The following STAU2 variants were observed in gnomAD, a reference collection of about 807,000 sequenced individuals.
STAU2 encodes double-stranded RNA-binding protein Staufen homolog 2.
STAU2 carries 20 observed loss-of-function variants against 65.9 expected under a neutral mutation model. The observed-to-expected ratio is 0.30, with a 90% confidence interval of 0.21 to 0.44. The LOEUF (loss-of-function observed/expected upper bound fraction) is 0.44, where lower values mean the gene tolerates loss of function less well. Among genes scored for constraint, STAU2 ranks in the 20% least tolerant of loss-of-function variants. The pLI is 1.00. For synonymous variants in STAU2, 232 were observed against 233.9 expected, an observed-to-expected ratio of 0.99 and a Z score of 0.07; for missense variants, 558 against 683.9, an observed-to-expected ratio of 0.82 and a Z score of 2.05.
chr8:73,744,455 T>C (rs989682792), intron 1 of STAU2, among the ~76,000 whole-genome samples: 12 of 82,214 alleles, frequency 1.5e-4, no homozygotes, highest in Non-Finnish European at 1.9e-4. Context: ...AACAAGATAA[T>C]AATAGGAATA....
intron 3 of STAU2, among the ~76,000 whole-genome samples, chr8:73,712,717 G>A (rs1235171726): frequency 6.6e-6 from 1 of 152,196 alleles, no homozygotes; most frequent in Non-Finnish European, 1.5e-5. Flanking sequence ...TACATTGGGA[G>A]GCAGAGGCGG....
intron 9 of STAU2, among the ~76,000 whole-genome samples, chr8:73,609,636 G>A (rs1356671538): frequency 6.6e-6 from 1 of 151,932 alleles, no homozygotes; most frequent in Non-Finnish European, 1.5e-5. Context: ...CCTGGCAACA[G>A]AGCGAGACCC....
At chr8:73,629,666 G>A (rs182946402) in intron 6 of STAU2, among the ~76,000 whole-genome samples, 93 of 152,180 alleles carry the variant, frequency 6.1e-4, no homozygotes, top group African/African-American at 2.2e-3. Flanking sequence ...AAATTTCTTC[G>A]GCTATGAGTA....
intron 13 of STAU2, chr8:73,551,285 G>C (rs1807317719): frequency 6.1e-6 from 6 of 987,352 alleles, no homozygotes; most frequent in Non-Finnish European, 7.2e-6. Context: ...GGGAAAAAAA[G>C]TTTCCATCCC....
chr8:73,589,084 A>C (rs1810583340), intron 11 of STAU2, among the ~76,000 whole-genome samples: 1 of 152,192 alleles, frequency 6.6e-6, no homozygotes, highest in Admixed American at 6.5e-5. Flanking sequence ...CTGTGAAAAA[A>C]TCCTCTCAAA....
intron 6 of STAU2, among the ~76,000 whole-genome samples, chr8:73,658,948 A>AG (rs2130304378): frequency 6.6e-6 from 1 of 151,428 alleles, no homozygotes; most frequent in Non-Finnish European, 1.5e-5. Flanking sequence ...AACAACAAAA[A>AG]AAAAAAACCA....
intron 12 of STAU2, among the ~76,000 whole-genome samples, chr8:73,558,853 G>A (rs544031549): frequency 2.5e-4 from 38 of 151,730 alleles, no homozygotes; most frequent in Middle Eastern, 3.4e-3. Flanking sequence ...TTGAATTTAC[G>A]CCTCAACAAT....
chr8:73,563,298 C>G (rs1032535584), intron 12 of STAU2, among the ~76,000 whole-genome samples: 1 of 152,058 alleles, frequency 6.6e-6, no homozygotes, highest in African/African-American at 2.4e-5. Flanking sequence ...ACTTCTACCC[C>G]CACCTAGCAG....
At chr8:73,466,780 C>T (rs1819678669) in intron 13 of STAU2, among the ~76,000 whole-genome samples, 1 of 152,222 alleles carries the variant, frequency 6.6e-6, no homozygotes, top group Non-Finnish European at 1.5e-5. Flanking sequence ...TCCACTGACT[C>T]GCCATTTAAT....
intron 6 of STAU2, among the ~76,000 whole-genome samples, chr8:73,621,797 T>C (rs1193954883): frequency 2.6e-5 from 4 of 152,128 alleles, no homozygotes; most frequent in Middle Eastern, 3.2e-3. Flanking sequence ...GATGGAACCA[T>C]AATTTTAAGC....
chr8:73,599,854 G>A (rs1017119470), intron 10 of STAU2, among the ~76,000 whole-genome samples: 1 of 151,608 alleles, frequency 6.6e-6, no homozygotes, highest in Non-Finnish European at 1.5e-5. Context: ...TGCAAGCTCC[G>A]CCTCCCGGGT....
chr8:73,612,065 G>C (rs1420107378), intron 9 of STAU2, among the ~76,000 whole-genome samples: 1 of 152,086 alleles, frequency 6.6e-6, no homozygotes, highest in Non-Finnish European at 1.5e-5. Flanking sequence ...GACCAGTTTT[G>C]TGCCACCATT....
chr8:73,458,216 G>C (rs962925983), intron 13 of STAU2, among the ~76,000 whole-genome samples: 2 of 152,144 alleles, frequency 1.3e-5, no homozygotes, highest in African/African-American at 4.8e-5. Flanking sequence ...TCCTAGGATT[G>C]ACTTGGAATT....
At chr8:73,525,445 T>C (rs1563401707) in intron 13 of STAU2, among the ~76,000 whole-genome samples, 1 of 152,122 alleles carries the variant, frequency 6.6e-6, no homozygotes, top group Non-Finnish European at 1.5e-5. Flanking sequence ...TTTTTTCTAA[T>C]TTGTAAAGGT....
intron 12 of STAU2, among the ~76,000 whole-genome samples, chr8:73,558,309 G>GA (rs1807938503): frequency 6.6e-6 from 1 of 152,196 alleles, no homozygotes; most frequent in Non-Finnish European, 1.5e-5. Flanking sequence ...AAATCTCACT[G>GA]AAGTATACAG....
chr8:73,558,949 A>C (rs1310082736), intron 12 of STAU2, among the ~76,000 whole-genome samples: 5 of 152,346 alleles, frequency 3.3e-5, no homozygotes, highest in South Asian at 2.1e-4. Context: ...CACAATAAAA[A>C]ATTATAATTA....
intron 3 of STAU2, among the ~76,000 whole-genome samples, chr8:73,728,704 T>C (rs1805826495): frequency 6.6e-6 from 1 of 152,218 alleles, no homozygotes; most frequent in Non-Finnish European, 1.5e-5. Context: ...ATGCAATCTT[T>C]TAAAATTTCT....
chr8:73,709,071 C>G lies in STAU2; in HGVS notation c.75G>C (p.Gln25His). 1 of 1,531,206 alleles carries G rather than the reference C, an allele frequency of 6.5e-7. No individual in the cohort carries two copies. Among genetic ancestry groups the G allele is most frequent in the Non-Finnish European group, 8.7e-7 (1 of 1,144,002 alleles). The allele number at this position is 1,531,206 out of a possible 1,614,324, so 94.9% of individuals were successfully genotyped here. A position where few individuals can be genotyped will look rare whatever the true frequency, so the allele number is the denominator to read the frequency against. Residue 25 changes from glutamine to histidine, a missense_variant, in exon 4 of 15, where the codon CAG becomes CAC. This residue lies in a region of STAU2 where 112 missense variants were observed against 114.2 expected (regional missense o/e 0.98). Transcript: ENST00000524300. ...GCCCTCTTTCATTCAGAAGTTTATACTGGGGTTGGACTCTATTGAAACGGG... is the reference window on the plus strand; with the variant it reads ...GCCCTCTTTCATTCAGAAGTTTATAGTGGGGTTGGACTCTATTGAAACGGG... ...ELARFNRVQP[Q>H]YKLLNERGPA...
At chr8:73,642,972 T>C (rs778710390) in intron 6 of STAU2, among the ~76,000 whole-genome samples, 1 of 152,134 alleles carries the variant, frequency 6.6e-6, no homozygotes, top group Non-Finnish European at 1.5e-5. Flanking sequence ...TGTAGGGTGA[T>C]GTATATGCAA....
Sources: allele counts gnomAD v4.1 joint callset (sites outside exome capture counted in the v4.1 genomes callset), GRCh38; gene constraint gnomAD v4.1.1; regional missense constraint gnomAD v4.1.1; transcripts MANE v1.5; gene names NCBI Gene and HGNC (gene_info 2026-07-23, HGNC 2026-07-21).